Variants in TCF12 observed in about 807,000 individuals in gnomAD.
TCF12 encodes transcription factor 12, also known as DNA-binding protein HTF4.
A neutral mutation model predicts 86.0 loss-of-function variants in TCF12; 45 were observed. The observed-to-expected ratio is 0.52, with a 90% CI of 0.41 to 0.67. The LOEUF is 0.67. Among genes scored for constraint, TCF12 ranks in the 30% least tolerant of loss-of-function variants. The probability of loss-of-function intolerance (pLI) is 0.00; values close to 1 mark genes in which losing one functional copy is unlikely to be tolerated. For synonymous variants in TCF12, 330 were observed against 299.6 expected, an observed-to-expected ratio of 1.10 and a Z score of -1.05; for missense variants, 881 against 859.9, an observed-to-expected ratio of 1.02 and a Z score of -0.31.
chr15:56,976,224 CTTTTT>C (rs35959497), intron 3 of TCF12, among the ~76,000 whole-genome samples: 4 of 57,376 alleles, frequency 7.0e-5, no homozygotes, highest in African/African-American at 2.8e-4. Context: ...AAGGAAGTTT[CTTTTT>C]TTTTTTTTTT....
chr15:57,019,181 C>T (rs572064646), intron 3 of TCF12, among the ~76,000 whole-genome samples: 18 of 152,246 alleles, frequency 1.2e-4, no homozygotes, highest in African/African-American at 4.3e-4. Flanking sequence ...TGTTAGCAGA[C>T]AATATTGAAG....
intron 5 of TCF12, among the ~76,000 whole-genome samples, chr15:57,128,992 A>G (rs1435776663): frequency 1.3e-5 from 2 of 152,088 alleles, no homozygotes; most frequent in South Asian, 2.1e-4. Context: ...ATTGCTGTGT[A>G]TTTGCTGTAC....
intron 4 of TCF12, among the ~76,000 whole-genome samples, chr15:57,077,327 A>ATGTG (rs1172206511): frequency 0.059 from 1,503 of 25,534 alleles, 31 homozygotes; most frequent in South Asian, 0.077. Flanking sequence ...ATGTATATAT[A>ATGTG]TGTGTGTGTG....
intron 5 of TCF12, among the ~76,000 whole-genome samples, chr15:57,121,568 G>A (rs950400039): frequency 6.6e-6 from 1 of 152,182 alleles, no homozygotes; most frequent in African/African-American, 2.4e-5. Flanking sequence ...CTTCTACCCT[G>A]TGAGGACACA....
At chr15:57,165,802 C>T (rs1466657642) in intron 5 of TCF12, among the ~76,000 whole-genome samples, 2 of 152,152 alleles carry the variant, frequency 1.3e-5, no homozygotes, top group Non-Finnish European at 2.9e-5. Context: ...TCCCAAAGTG[C>T]TGGGATTACA....
intron 5 of TCF12, among the ~76,000 whole-genome samples, chr15:57,146,166 G>C (rs550434737): frequency 6.6e-6 from 1 of 152,074 alleles, no homozygotes; most frequent in African/African-American, 2.4e-5. Context: ...CTTGTTCTCT[G>C]TGTAAAGCCT....
At chr15:57,167,153 G>A (rs767326783) in intron 6 of TCF12, among the ~76,000 whole-genome samples, 16 of 152,154 alleles carry the variant, frequency 1.1e-4, no homozygotes, top group Non-Finnish European at 2.1e-4. Context: ...CATGTGAGCC[G>A]GTTTTAACTG....
chr15:57,086,378 A>G (rs1567392679), intron 4 of TCF12, among the ~76,000 whole-genome samples: 1 of 151,942 alleles, frequency 6.6e-6, no homozygotes, highest in South Asian at 2.1e-4. Context: ...CATTTTACAG[A>G]TAAGGAAACT....
intron 5 of TCF12, among the ~76,000 whole-genome samples, chr15:57,096,283 G>A (rs1478700866): frequency 6.6e-6 from 1 of 151,998 alleles, no homozygotes; most frequent in Non-Finnish European, 1.5e-5. Flanking sequence ...AACTTTTTTA[G>A]CCTACGACAC....
At chr15:57,260,173 C>T (rs1197983693) in intron 16 of TCF12, among the ~76,000 whole-genome samples, 1 of 152,028 alleles carries the variant, frequency 6.6e-6, no homozygotes. Context: ...AAAATATTTC[C>T]TGGTGTTTCT....
chr15:56,958,674 AGAGAGTGTGTGTGTGT>A (rs1250632565), intron 3 of TCF12, among the ~76,000 whole-genome samples: 1 of 64,472 alleles, frequency 1.6e-5, no homozygotes, highest in Non-Finnish European at 3.7e-5. Context: ...AGAGAGAGAG[AGAGAGTGTGTGTGTGT>A]GTGTGTGTGT....
chr15:57,121,627 C>G (rs1244455409), intron 5 of TCF12, among the ~76,000 whole-genome samples: 1 of 152,162 alleles, frequency 6.6e-6, no homozygotes, highest in African/African-American at 2.4e-5. Flanking sequence ...TATTGCTCCC[C>G]TCAGAGGAGG....
At chr15:57,057,470 C>CT (rs1226672311) in intron 3 of TCF12, among the ~76,000 whole-genome samples, 3 of 152,216 alleles carry the variant, frequency 2.0e-5, no homozygotes, top group Non-Finnish European at 4.4e-5. Flanking sequence ...ATTCTGGTCT[C>CT]TTCTTTCAAG....
At chr15:57,051,510 G>C (rs1393976267) in intron 3 of TCF12, among the ~76,000 whole-genome samples, 1 of 151,764 alleles carries the variant, frequency 6.6e-6, no homozygotes, top group Non-Finnish European at 1.5e-5. Context: ...TTTAAGTAGA[G>C]ATGAGTTCTT....
chr15:57,159,942 G>A (rs2054379185), intron 5 of TCF12, among the ~76,000 whole-genome samples: 2 of 152,156 alleles, frequency 1.3e-5, no homozygotes, highest in African/African-American at 4.8e-5. Context: ...GTATTTACTG[G>A]ACTGCTGCAG....
chr15:57,154,042 AG>A (rs1338917059), intron 5 of TCF12, among the ~76,000 whole-genome samples: 1 of 152,108 alleles, frequency 6.6e-6, no homozygotes, highest in Non-Finnish European at 1.5e-5. Context: ...GAAAGATAAA[AG>A]AACAAACAAC....
intron 5 of TCF12, among the ~76,000 whole-genome samples, chr15:57,139,010 T>G (rs1444422313): frequency 6.6e-6 from 1 of 152,184 alleles, no homozygotes; most frequent in Non-Finnish European, 1.5e-5. Context: ...AAATTAAGCT[T>G]TATACATAAT....
chr15:57,005,484 A>G (rs1047478906), intron 3 of TCF12, among the ~76,000 whole-genome samples: 2 of 152,252 alleles, frequency 1.3e-5, no homozygotes. Context: ...CTGCTGTTGT[A>G]GCAAAACAGA....
intron 3 of TCF12, among the ~76,000 whole-genome samples, chr15:57,018,908 C>G (rs1287278419): frequency 1.3e-5 from 2 of 152,172 alleles, no homozygotes; most frequent in African/African-American, 4.8e-5. Context: ...GGAAGACCCT[C>G]TGATTCTGTG....
Sources: gnomAD v4.1 joint callset for allele counts (sites outside exome capture counted in the v4.1 genomes callset) on GRCh38, gnomAD v4.1.1 for gene constraint, MANE v1.5 for transcripts, NCBI Gene and HGNC (gene_info 2026-07-23, HGNC 2026-07-21) for gene names.